Variants in HDAC4 observed in about 807,000 individuals in gnomAD.
HDAC4 encodes histone deacetylase 4.
In HDAC4, 16 loss-of-function variants were observed where a neutral mutation model predicts 135.1. That is an observed-to-expected ratio of 0.12 (90% confidence interval 0.08 to 0.18). The LOEUF is 0.18. HDAC4 is among the 10% of genes least tolerant of loss of function. HDAC4 has a pLI of 1.00. For missense variants in HDAC4, 1,143 were observed against 1,511.8 expected, an observed-to-expected ratio of 0.76 and a Z score of 4.05; for synonymous variants, 685 against 653.4, an observed-to-expected ratio of 1.05 and a Z score of -0.74.
chr2:239,195,219 C>T (rs3791577), intron 3 of HDAC4, among the ~76,000 whole-genome samples: 70 of 152,318 alleles, frequency 4.6e-4, no homozygotes, highest in African/African-American at 1.6e-3. Context: ...CGGACTGCCA[C>T]GTGAAACTCC....
At chr2:239,217,928 C>CA (rs1011508624) in intron 3 of HDAC4, among the ~76,000 whole-genome samples, 1 of 151,986 alleles carries the variant, frequency 6.6e-6, no homozygotes, top group Non-Finnish European at 1.5e-5. Flanking sequence ...CCCATCTTTC[C>CA]AAAAAATTAA....
chr2:239,356,888 T>C (rs1693522991), intron 1 of HDAC4, among the ~76,000 whole-genome samples: 1 of 151,546 alleles, frequency 6.6e-6, no homozygotes, highest in African/African-American at 2.4e-5. Context: ...TAATATAAAA[T>C]AATAAAAGCA....
intron 17 of HDAC4, among the ~76,000 whole-genome samples, chr2:239,092,849 CTT>C (rs148261813): frequency 1.4e-5 from 2 of 146,906 alleles, no homozygotes; most frequent in Admixed American, 6.8e-5. Flanking sequence ...TGTTTCGTTT[CTT>C]TTTTTTTTTG....
At chr2:239,127,152 G>C (rs1025859298) in intron 11 of HDAC4, among the ~76,000 whole-genome samples, 2 of 152,236 alleles carry the variant, frequency 1.3e-5, no homozygotes, top group African/African-American at 4.8e-5. Flanking sequence ...GACAGCCTGA[G>C]TTGTGAGAAA....
chr2:239,150,871 C>T (rs1207349496), intron 7 of HDAC4, among the ~76,000 whole-genome samples: 3 of 151,802 alleles, frequency 2.0e-5, no homozygotes, highest in Non-Finnish European at 2.9e-5. Flanking sequence ...CCATGCTGCA[C>T]CTCCGTATGT....
intron 7 of HDAC4, among the ~76,000 whole-genome samples, chr2:239,152,347 G>A (rs550818200): frequency 3.9e-5 from 6 of 152,288 alleles, no homozygotes; most frequent in Admixed American, 1.3e-4. Flanking sequence ...CACATTTGGC[G>A]GCTTCACAAG....
chr2:239,304,236 C>A lies in HDAC4; in HGVS notation c.22+48442G>T, dbSNP rs527825043. Reference sequence around the variant, plus strand: ...AAGAAGTCCACACAGGACACAAAGCCCAGAGCTGGGAAGGCCTCAAGCAGT... The same window carrying A: ...AAGAAGTCCACACAGGACACAAAGCACAGAGCTGGGAAGGCCTCAAGCAGT... On this transcript the variant is annotated intron_variant, in intron 2 of 26. Coordinates refer to ENST00000543185, the MANE Select transcript of HDAC4 (RefSeq NM_001378414.1). 2.6e-5 allele frequency among the ~76,000 whole-genome samples: 4 copies of A among 152,154 alleles called. No individual in the cohort carries two copies. The East Asian group carries it at 7.7e-4, about 29-fold the overall frequency.
rs1345916973 is a variant in HDAC4, at chr2:239,303,356, T to A, written c.22+49322A>T. 6.6e-6 allele frequency among the ~76,000 whole-genome samples: 1 copy of A among 152,212 alleles called. No individual in the cohort carries two copies. Among genetic ancestry groups the A allele is most frequent in the Non-Finnish European group, 1.5e-5 (1 of 68,042 alleles). ...CCTCTGATGCCTGGTTCCTCTGCCA[T>A]CAAGACCCGCCGTCTGGTGTGAAGG... is the stretch of plus-strand genomic sequence containing the variant. On this transcript the variant is annotated intron_variant, in intron 2 of 26. Transcript: ENST00000543185. The surrounding 1 kb of genome is among the most constrained non-coding windows in gnomAD (Gnocchi z 5.1).
rs542468690 is a variant in HDAC4 at position 239,167,467 on chromosome 2, G to A, written c.491-3544C>T. ...GGGGTTCACACCCCACCCATGCCCAGCATAGGCCTGGCCAGCAGGAAACAC... is the reference window on the plus strand; with the variant it reads ...GGGGTTCACACCCCACCCATGCCCAACATAGGCCTGGCCAGCAGGAAACAC... On this transcript the variant is annotated intron_variant, in intron 5 of 26. Transcript: ENST00000543185. The surrounding 1 kb of genome is among the most constrained non-coding windows in gnomAD (Gnocchi z 4.1). Among the ~76,000 whole-genome samples the A allele has an allele frequency of 5.3e-5, 8 of 152,316 alleles. No individual in the cohort carries two copies. Among genetic ancestry groups the A allele is most frequent in the Non-Finnish European group, 1.2e-4 (8 of 68,018 alleles).
intron 24 of HDAC4, among the ~76,000 whole-genome samples, chr2:239,062,192 C>T (rs1019645926): frequency 6.6e-6 from 1 of 152,284 alleles, no homozygotes; most frequent in Non-Finnish European, 1.5e-5. Context: ...TTGCTGGGAA[C>T]AGCACAGGCC....
chr2:239,086,353 C>T (rs113240214), intron 19 of HDAC4, among the ~76,000 whole-genome samples: 3 of 141,092 alleles, frequency 2.1e-5, no homozygotes, highest in Admixed American at 7.5e-5. Flanking sequence ...GTACAGTCTC[C>T]TCCCTGTACA....
intron 2 of HDAC4, among the ~76,000 whole-genome samples, chr2:239,327,787 G>A (rs932005373): frequency 6.6e-6 from 1 of 152,178 alleles, no homozygotes; most frequent in Non-Finnish European, 1.5e-5. Flanking sequence ...CAAGCCTAGA[G>A]ACACCCTGGC....
At chr2:239,111,237 C>A (rs916751744) in intron 14 of HDAC4, among the ~76,000 whole-genome samples, 3 of 152,242 alleles carry the variant, frequency 2.0e-5, no homozygotes, top group South Asian at 2.1e-4. Flanking sequence ...CATGGCCCCA[C>A]GGGCATGGGC....
intron 3 of HDAC4, among the ~76,000 whole-genome samples, chr2:239,213,081 G>A (rs2153101199): frequency 6.6e-6 from 1 of 152,292 alleles, no homozygotes; most frequent in South Asian, 2.1e-4. Flanking sequence ...GAGGAGGTGT[G>A]GCATCTGGGT....
chr2:239,209,014 C>T (rs1446967172), intron 3 of HDAC4, among the ~76,000 whole-genome samples: 3 of 152,192 alleles, frequency 2.0e-5, no homozygotes, highest in African/African-American at 7.2e-5. Flanking sequence ...GTAGCTGAGA[C>T]TACAGAGGCG....
intron 2 of HDAC4, among the ~76,000 whole-genome samples, chr2:239,268,276 G>A (rs1479003084): frequency 1.4e-5 from 2 of 143,720 alleles, no homozygotes; most frequent in Non-Finnish European, 3.2e-5. Context: ...TGGCCCTGGC[G>A]GGCCAGGCCC....
chr2:239,280,908 C>A (rs1390869935), intron 2 of HDAC4, among the ~76,000 whole-genome samples: 3 of 150,090 alleles, frequency 2.0e-5, no homozygotes, highest in African/African-American at 7.4e-5. Context: ...CACCACTCTA[C>A]AATGTACACA....
At chr2:239,358,108 C>T (rs1008650400) in intron 1 of HDAC4, among the ~76,000 whole-genome samples, 1 of 152,158 alleles carries the variant, frequency 6.6e-6, no homozygotes, top group African/African-American at 2.4e-5. Context: ...TCCATCAGAG[C>T]AGCCGGGCTG....
At position 239,068,407 on chromosome 2, in the gene HDAC4, A is replaced by G. The variant is rs890934849; in HGVS notation, c.2869+82T>C. ...GGTGCCCTTCCTTATCTCGTTATTA[A>G]AAAGGGGACCTGACACGCGGAACAC... On this transcript the variant is annotated intron_variant, in intron 23 of 26. Transcript: ENST00000543185. This position sits in a 1 kb window ranked among gnomAD's most constrained non-coding sequence, Gnocchi z 4.4. 9.8e-7 allele frequency: 1 copy of G among 1,022,240 alleles called. No homozygotes were observed. The allele number at this position is 1,022,240 out of a possible 1,614,324, so 63.3% of individuals were successfully genotyped here. A position where few individuals can be genotyped will look rare whatever the true frequency, so the allele number is the denominator to read the frequency against.
Sources: allele counts gnomAD v4.1 joint callset (sites outside exome capture counted in the v4.1 genomes callset), GRCh38; gene constraint gnomAD v4.1.1; non-coding constraint Gnocchi (gnomAD v3.1); transcripts MANE v1.5; gene names NCBI Gene and HGNC (gene_info 2026-07-23, HGNC 2026-07-21).